The following ANKRD10 variants were observed in gnomAD, a reference collection of about 807,000 sequenced individuals.
ANKRD10 encodes the protein ankyrin repeat domain-containing protein 10.
ANKRD10 carries 14 observed loss-of-function variants against 27.0 expected under a neutral mutation model. The observed-to-expected ratio is 0.52, with a 90% CI of 0.34 to 0.81. The LOEUF (loss-of-function observed/expected upper bound fraction) is 0.81, where lower values mean the gene tolerates loss of function less well. Among genes scored for constraint, ANKRD10 ranks in the 40% least tolerant of loss-of-function variants. ANKRD10 has a pLI of 0.01. For synonymous variants in ANKRD10, 250 were observed against 224.5 expected, an observed-to-expected ratio of 1.11 and a Z score of -1.01; for missense variants, 493 against 544.0, an observed-to-expected ratio of 0.91 and a Z score of 0.93.
At chr13:110,904,784 C>T (rs2065481726) in intron 3 of ANKRD10, among the ~76,000 whole-genome samples, 1 of 152,178 alleles carries the variant, frequency 6.6e-6, no homozygotes, top group Non-Finnish European at 1.5e-5. Flanking sequence ...AGAGTCCCTG[C>T]AATGTAACAG....
intron 1 of ANKRD10, among the ~76,000 whole-genome samples, chr13:110,914,125 ATCCC>A (rs2065805735): frequency 6.6e-6 from 1 of 152,166 alleles, no homozygotes; most frequent in Non-Finnish European, 1.5e-5. Flanking sequence ...GCCGGCCTCC[ATCCC>A]ACACAGCTGC....
chr13:110,913,444 C>T (rs2065780061), intron 1 of ANKRD10, among the ~76,000 whole-genome samples: 1 of 152,246 alleles, frequency 6.6e-6, no homozygotes, highest in Admixed American at 6.5e-5. Context: ...GGTTGCACAA[C>T]TTCAGAGACA....
At chr13:110,883,512 A>T in intron 5 of ANKRD10, 186 bp downstream of exon 5, 3 of 1,335,974 alleles carry the variant, frequency 2.2e-6, no homozygotes, top group Non-Finnish European at 2.9e-6. Flanking sequence ...ACAAAGTGCA[A>T]AACATCTGAG....
chr13:110,900,787 A>C, intron 3 of ANKRD10: 1 of 801,694 alleles, frequency 1.2e-6, no homozygotes, highest in Admixed American at 2.3e-5. Context: ...AAACTTAAAT[A>C]ATAAGGGATC....
intron 3 of ANKRD10, among the ~76,000 whole-genome samples, chr13:110,904,740 A>G (rs1221811438): frequency 6.6e-6 from 1 of 152,246 alleles, no homozygotes; most frequent in Non-Finnish European, 1.5e-5. Flanking sequence ...TTGTTTCTAC[A>G]TTACCTTTAG....
chr13:110,914,088 C>T (rs1483702281), intron 1 of ANKRD10, among the ~76,000 whole-genome samples: 1 of 152,216 alleles, frequency 6.6e-6, no homozygotes, highest in African/African-American at 2.4e-5. Context: ...CAGCTACAAG[C>T]CTTAAAGCAA....
At chr13:110,899,243 TAA>T (rs921578545) in intron 3 of ANKRD10, 4 of 152,198 alleles carry the variant, frequency 2.6e-5, no homozygotes, top group Non-Finnish European at 5.9e-5. Context: ...CAGAAGAGTT[TAA>T]AGAGTCTCAA....
chr13:110,892,416 C>CAAAAAA (rs71127979), intron 4 of ANKRD10, among the ~76,000 whole-genome samples: 1,833 of 19,384 alleles, frequency 0.095, 409 homozygotes, highest in Non-Finnish European at 0.1. Flanking sequence ...GGTGACAGAG[C>CAAAAAA]AAAAAAAAAA....
intron 3 of ANKRD10, among the ~76,000 whole-genome samples, chr13:110,893,850 T>C (rs2065148016): frequency 6.6e-6 from 1 of 152,258 alleles, no homozygotes; most frequent in Non-Finnish European, 1.5e-5. Context: ...TGTTTTGGCC[T>C]TGCTTGGGAA....
chr13:110,879,630 A>G lies in ANKRD10; in HGVS notation c.*7T>C. On this transcript the variant is annotated 3_prime_UTR_variant, in exon 6 of 6. Coordinates refer to ENST00000267339, the MANE Select transcript of ANKRD10 (RefSeq NM_017664.4). ...CTCCTGCGTTTCCGAGAGCCAGGTC[A>G]GCGTCTCTAGGAGCCGTGGTGCAGG... 1 of 1,601,696 alleles carries G rather than the reference A, an allele frequency of 6.2e-7. No homozygotes were observed. Among genetic ancestry groups the G allele is most frequent in the South Asian group, 1.1e-5 (1 of 90,420 alleles).
chr13:110,883,346 A>C (rs967127322), intron 5 of ANKRD10: 4 of 259,136 alleles, frequency 1.5e-5, no homozygotes, highest in African/African-American at 9.1e-5. Context: ...CTCATTAAAA[A>C]TAAGCAAGGC....
intron 1 of ANKRD10, among the ~76,000 whole-genome samples, chr13:110,912,103 C>T (rs2065731245): frequency 6.6e-6 from 1 of 152,208 alleles, no homozygotes; most frequent in Non-Finnish European, 1.5e-5. Context: ...AACAAATTTA[C>T]CAAGTGCCTA....
intron 3 of ANKRD10, among the ~76,000 whole-genome samples, chr13:110,899,501 G>A (rs1162076494): frequency 6.6e-6 from 1 of 152,184 alleles, no homozygotes; most frequent in Non-Finnish European, 1.5e-5. Flanking sequence ...AATGGGAAGA[G>A]ATTTTTAAAA....
chr13:110,887,743 A>G (rs2064970363), intron 4 of ANKRD10, among the ~76,000 whole-genome samples: 1 of 152,136 alleles, frequency 6.6e-6, no homozygotes, highest in Non-Finnish European at 1.5e-5. Flanking sequence ...TTAGTCATCT[A>G]CCTTTTACTG....
rs1420607257 is a variant in ANKRD10 at position 110,915,029 on chromosome 13, G to A, written c.-95C>T. 6 of 1,445,430 alleles carry A rather than the reference G, an allele frequency of 4.2e-6. No homozygotes were observed. Among genetic ancestry groups the A allele is most frequent in the African/African-American group, 1.5e-5 (1 of 68,586 alleles). 89.5% of individuals were successfully genotyped at this position (1,445,430 alleles called of 1,614,324 possible). On this transcript the variant is annotated 5_prime_UTR_variant, in exon 1 of 6. Transcript: ENST00000267339. The stretch of plus-strand genomic sequence containing the variant: ...GCCGCAGCACAAAGGAACGAGACTA[G>A]CGCCGCGGTCGCGTCCCACAGGCTG...
At chr13:110,905,811 TCGA>T (rs1185725142) in intron 3 of ANKRD10, among the ~76,000 whole-genome samples, 1 of 152,166 alleles carries the variant, frequency 6.6e-6, no homozygotes, top group Non-Finnish European at 1.5e-5. Flanking sequence ...ATACACTCTC[TCGA>T]CAAGAATATT....
intron 2 of ANKRD10, 135 bp downstream of exon 2, chr13:110,910,483 A>T: frequency 8.6e-7 from 1 of 1,157,092 alleles, no homozygotes; most frequent in Non-Finnish European, 1.2e-6. Flanking sequence ...AACTGAAGAA[A>T]CATAAATTCC....
intron 4 of ANKRD10, among the ~76,000 whole-genome samples, chr13:110,886,221 C>G (rs895645555): frequency 6.6e-6 from 1 of 152,236 alleles, no homozygotes; most frequent in Non-Finnish European, 1.5e-5. Flanking sequence ...ACACTAGTCT[C>G]CCAGCAACAA....
At chr13:110,892,958 G>A in intron 4 of ANKRD10, 70 bp downstream of exon 4, 1 of 1,577,426 alleles carries the variant, frequency 6.3e-7, no homozygotes, top group African/African-American at 1.4e-5. Context: ...GGTGCGCTCA[G>A]CCATAAAAAG....
Sources: allele counts gnomAD v4.1 joint callset (sites outside exome capture counted in the v4.1 genomes callset), GRCh38; gene constraint gnomAD v4.1.1; transcripts MANE v1.5; gene names NCBI Gene and HGNC (gene_info 2026-07-23, HGNC 2026-07-21).